CMIP: variants seen among roughly 807,000 people sequenced by gnomAD.
CMIP encodes C-Maf-inducing protein.
In CMIP, 13 loss-of-function variants were observed where a neutral mutation model predicts 97.3. That is an observed-to-expected ratio of 0.13 (90% confidence interval 0.09 to 0.21). The LOEUF (loss-of-function observed/expected upper bound fraction) is 0.21, where lower values mean the gene tolerates loss of function less well. Among genes scored for constraint, CMIP ranks in the 10% least tolerant of loss-of-function variants. The pLI, the probability that CMIP is intolerant of heterozygous loss-of-function variation, is 1.00. For synonymous variants in CMIP, 538 were observed against 436.3 expected (o/e 1.23, Z -2.91); for missense variants, 847 against 1,024.9 (o/e 0.83, Z 2.37).
At chr16:81,559,820 G>A (rs1230456725) in intron 1 of CMIP, among the ~76,000 whole-genome samples, 1 of 152,188 alleles carries the variant, frequency 6.6e-6, no homozygotes. Flanking sequence ...CCATAAAACA[G>A]CCTCAGGCAA....
intron 1 of CMIP, among the ~76,000 whole-genome samples, chr16:81,466,089 C>A (rs1907190222): frequency 6.6e-6 from 1 of 151,630 alleles, no homozygotes; most frequent in African/African-American, 2.4e-5. Flanking sequence ...GAGGTAGGGT[C>A]TCGCCCTGTC....
At chr16:81,588,029 C>T (rs1203960926) in intron 1 of CMIP, among the ~76,000 whole-genome samples, 1 of 152,158 alleles carries the variant, frequency 6.6e-6, no homozygotes, top group East Asian at 1.9e-4. Flanking sequence ...GCTCTTGCTT[C>T]CCCAGGAACT....
intron 1 of CMIP, among the ~76,000 whole-genome samples, chr16:81,573,317 C>A (rs566629756): frequency 6.3e-4 from 95 of 151,338 alleles, no homozygotes; most frequent in African/African-American, 1.9e-3. Flanking sequence ...GCACTCCAGC[C>A]TGGACAACAG....
chr16:81,684,207 A>G (rs1905160556), intron 10 of CMIP, among the ~76,000 whole-genome samples: 1 of 150,810 alleles, frequency 6.6e-6, no homozygotes, highest in Non-Finnish European at 1.5e-5. Context: ...GAGAAAGGGA[A>G]TTTTCCTGAG....
chr16:81,491,957 C>G (rs2089413570), intron 1 of CMIP, among the ~76,000 whole-genome samples: 1 of 152,202 alleles, frequency 6.6e-6, no homozygotes, highest in Admixed American at 6.5e-5. Context: ...ACGTGGTCAT[C>G]TTTTGTGTCA....
intron 1 of CMIP, among the ~76,000 whole-genome samples, chr16:81,478,649 G>A (rs753129205): frequency 3.9e-5 from 6 of 152,124 alleles, no homozygotes; most frequent in African/African-American, 1.4e-4. Context: ...CTGCAGAGCC[G>A]CAGCCACCCC....
At chr16:81,676,486 C>G (rs1222447182) in intron 9 of CMIP, among the ~76,000 whole-genome samples, 2 of 152,132 alleles carry the variant, frequency 1.3e-5, no homozygotes, top group Admixed American at 1.3e-4. Flanking sequence ...CTTGAAAATC[C>G]ACTTTTAAAA....
chr16:81,615,139 CTG>C (rs545995364), intron 2 of CMIP, among the ~76,000 whole-genome samples: 48 of 75,078 alleles, frequency 6.4e-4, no homozygotes, highest in African/African-American at 2.2e-3. Context: ...GTATGTATGT[CTG>C]TGTGATGTGT....
rs957950444 is a variant in CMIP, at chr16:81,616,085, G to C, written c.427-4791G>C. 1.3e-5 allele frequency among the ~76,000 whole-genome samples: 2 copies of C among 151,970 alleles called. No homozygotes were observed. The highest frequency in any genetic ancestry group is 2.9e-5 in the Non-Finnish European group (2 of 68,008). Reference sequence around the variant, plus strand: ...CTGGAAGGAGGCGCAGGAGAGTTCCGCATCGAGACTGTCCTCAGCCCGGCA... The same window carrying C: ...CTGGAAGGAGGCGCAGGAGAGTTCCCCATCGAGACTGTCCTCAGCCCGGCA... On this transcript the variant is annotated intron_variant, in intron 2 of 20. Transcript: ENST00000537098. This position sits in a 1 kb window ranked among gnomAD's most constrained non-coding sequence, Gnocchi z 4.7.
intron 1 of CMIP, among the ~76,000 whole-genome samples, chr16:81,559,292 T>C (rs940653137): frequency 3.9e-5 from 6 of 152,186 alleles, no homozygotes; most frequent in African/African-American, 1.4e-4. Flanking sequence ...AAGGTGAACA[T>C]TTATTATGAC....
At chr16:81,544,177 T>C (rs1238469984) in intron 1 of CMIP, among the ~76,000 whole-genome samples, 2 of 152,226 alleles carry the variant, frequency 1.3e-5, no homozygotes, top group Non-Finnish European at 2.9e-5. Context: ...CACATGCACC[T>C]AGTGCACAGT....
intron 1 of CMIP, among the ~76,000 whole-genome samples, chr16:81,592,014 G>A (rs1475214732): frequency 6.6e-6 from 1 of 151,596 alleles, no homozygotes; most frequent in Admixed American, 6.6e-5. Context: ...AGTAGAGACA[G>A]GGTTTTGCTA....
At position 81,632,856 on chromosome 16, in the gene CMIP, G is replaced by A. The variant is rs2092182303; in HGVS notation, c.477+11930G>A. Among the ~76,000 whole-genome samples, 3 of 152,168 alleles carry A rather than the reference G, an allele frequency of 2.0e-5. No homozygotes were observed. In the South Asian group the frequency reaches 6.2e-4, roughly 32 times the overall value. ...TACATAAGGGCCAGCCTTGGGCTTT[G>A]GGACATTCAAGACACCCCCACCCCC... On this transcript the variant is annotated intron_variant, in intron 3 of 20. Transcript: ENST00000537098.
intron 13 of CMIP, among the ~76,000 whole-genome samples, chr16:81,694,445 G>T (rs1437785853): frequency 6.6e-6 from 1 of 152,172 alleles, no homozygotes; most frequent in Non-Finnish European, 1.5e-5. Flanking sequence ...AGCTAAATGG[G>T]TCAAACTGGA....
chr16:81,523,783 T>G (rs2090075371), intron 1 of CMIP, among the ~76,000 whole-genome samples: 1 of 152,238 alleles, frequency 6.6e-6, no homozygotes, highest in Non-Finnish European at 1.5e-5. Context: ...GAAGGTGAGC[T>G]GAGTCACCAC....
chr16:81,674,046 CAG>C (rs1194346782), intron 9 of CMIP, among the ~76,000 whole-genome samples: 2 of 152,166 alleles, frequency 1.3e-5, no homozygotes, highest in Non-Finnish European at 2.9e-5. Context: ...TTTGATAAAT[CAG>C]GGGCTGTTTT....
chr16:81,461,743 A>T (rs971446835), intron 1 of CMIP, among the ~76,000 whole-genome samples: 4 of 152,220 alleles, frequency 2.6e-5, no homozygotes, highest in African/African-American at 9.6e-5. Flanking sequence ...CAGTGCCTGG[A>T]TCTGGGTTCA....
At chr16:81,704,236 CCCTTACT>C (rs1907778953) in intron 18 of CMIP, among the ~76,000 whole-genome samples, 151 bp downstream of exon 18, 1 of 93,912 alleles carries the variant, frequency 1.1e-5, no homozygotes, top group Admixed American at 1.0e-4. Flanking sequence ...CTCCCTGCCC[CCCTTACT>C]CTCCTCCCTG....
chr16:81,514,675 T>G (rs971580382), intron 1 of CMIP, among the ~76,000 whole-genome samples: 4 of 152,188 alleles, frequency 2.6e-5, no homozygotes, highest in African/African-American at 7.2e-5. Flanking sequence ...GGTCATGGCT[T>G]CACCCCTTAT....
Sources: allele counts gnomAD v4.1 joint callset (sites outside exome capture counted in the v4.1 genomes callset), GRCh38; gene constraint gnomAD v4.1.1; non-coding constraint Gnocchi (gnomAD v3.1); transcripts MANE v1.5; gene names NCBI Gene and HGNC (gene_info 2026-07-23, HGNC 2026-07-21).